Variants in PIK3C2G observed in about 807,000 individuals in gnomAD.
PIK3C2G encodes the protein phosphatidylinositol-4-phosphate 3-kinase catalytic subunit type 2 gamma.
A neutral mutation model predicts 181.1 loss-of-function variants in PIK3C2G; 168 were observed. That is an observed-to-expected ratio of 0.93 (90% CI 0.82 to 1.05). The LOEUF is 1.05. PIK3C2G is among the 50% of genes least tolerant of loss of function. PIK3C2G has a pLI of 0.00. For synonymous variants in PIK3C2G, 573 were observed against 592.2 expected, an observed-to-expected ratio of 0.97 and a Z score of 0.47; for missense variants, 1,869 against 1,732.8, an observed-to-expected ratio of 1.08 and a Z score of -1.40.
At chr12:18,718,916 C>A in the PIK3C2G span, among the ~76,000 whole-genome samples, 4 of 152,114 alleles carry the variant, frequency 2.6e-5, no homozygotes. Flanking sequence ...ATAAAATCAG[C>A]AATGCAATGT....
rs144249169 is a variant in PIK3C2G at position 18,558,384 on chromosome 12, A to C, written c.3591-4319A>C. Among the ~76,000 whole-genome samples, 885 of 152,310 alleles carry C rather than the reference A, an allele frequency of 5.8e-3. 2 individuals carry two copies. The highest frequency in any genetic ancestry group is 0.01 in the Middle Eastern group (3 of 294). Reference sequence around the variant, plus strand: ...AAGATTGTTCAGTCATTCAACAAATATTTTTGGATCACTTACTATGTACCA... The same window carrying C: ...AAGATTGTTCAGTCATTCAACAAATCTTTTTGGATCACTTACTATGTACCA... On this transcript the variant is annotated intron_variant, in intron 26 of 32. Coordinates refer to ENST00000538779, the MANE Select transcript of PIK3C2G (RefSeq NM_001288772.2).
At chr12:18,611,330 GA>G (rs1948321891) in intron 31 of PIK3C2G, among the ~76,000 whole-genome samples, 1 of 152,060 alleles carries the variant, frequency 6.6e-6, no homozygotes, top group Non-Finnish European at 1.5e-5. Context: ...AGTTACTAAT[GA>G]TGTAGTAATA....
chr12:18,723,327 G>A, the PIK3C2G span: 44 of 1,611,044 alleles, frequency 2.7e-5, no homozygotes, highest in South Asian at 2.6e-4. Flanking sequence ...CGATAGGCTC[G>A]TATTTCTGAA....
rs115932586 is a variant in PIK3C2G at position 18,348,787 on chromosome 12, A to G, written c.1625+1951A>G. Among the ~76,000 whole-genome samples the G allele has an allele frequency of 7.1e-3, 1,088 of 152,306 alleles. 12 individuals are homozygous for G. The highest frequency in any genetic ancestry group is 0.025 in the African/African-American group (1,036 of 41,560). The stretch of plus-strand genomic sequence containing the variant: ...CCCCAAAGCTTAGCAGTTTAGCACA[A>G]CAAACTTTGATGAGTTCACATTCTG... On this transcript the variant is annotated intron_variant, in intron 11 of 32. Transcript: ENST00000538779.
chr12:18,365,252 A>G (rs144217982), intron 12 of PIK3C2G, among the ~76,000 whole-genome samples: 119 of 152,342 alleles, frequency 7.8e-4, no homozygotes, highest in Non-Finnish European at 1.4e-3. Flanking sequence ...TCCCATGAAT[A>G]GTATTCAAGT....
chr12:18,358,731 G>A (rs1940973039), intron 11 of PIK3C2G: 2 of 424,760 alleles, frequency 4.7e-6, no homozygotes, highest in Middle Eastern at 7.6e-4. Context: ...TGATTCTCAT[G>A]ACTTTATTAT....
chr12:18,614,844 A>G (rs943272775), intron 31 of PIK3C2G, among the ~76,000 whole-genome samples: 1 of 152,150 alleles, frequency 6.6e-6, no homozygotes, highest in African/African-American at 2.4e-5. Context: ...GAACAGTTAT[A>G]CAATATGGCC....
At chr12:18,579,175 A>T (rs992370366) in intron 29 of PIK3C2G, among the ~76,000 whole-genome samples, 3 of 152,168 alleles carry the variant, frequency 2.0e-5, no homozygotes, top group African/African-American at 7.2e-5. Flanking sequence ...AATTAGAGAG[A>T]TTAAAAATAA....
chr12:18,665,805 C>T, the PIK3C2G span, among the ~76,000 whole-genome samples: 395 of 151,900 alleles, frequency 2.6e-3, no homozygotes, highest in Middle Eastern at 0.027. Context: ...CGTAGTGGTG[C>T]GCACCTGTAG....
chr12:18,313,804 T>TCACACACA (rs5796752), intron 5 of PIK3C2G, among the ~76,000 whole-genome samples, 158 bp from the exon 6 acceptor site: 2 of 149,470 alleles, frequency 1.3e-5, no homozygotes, highest in Non-Finnish European at 3.0e-5. Flanking sequence ...GCATATATAT[T>TCACACACA]CACACACACA....
At chr12:18,302,868 G>A (rs1950232855) in intron 5 of PIK3C2G, among the ~76,000 whole-genome samples, 1 of 152,084 alleles carries the variant, frequency 6.6e-6, no homozygotes, top group Non-Finnish European at 1.5e-5. Flanking sequence ...CTATGTGGCA[G>A]GCAGGCTAAG....
chr12:18,692,924 G>A, the PIK3C2G span: 5 of 1,579,084 alleles, frequency 3.2e-6, no homozygotes. Context: ...CCAGCAAACT[G>A]CCACTGGTGA....
At chr12:18,403,584 G>A (rs1944368360) in intron 16 of PIK3C2G, among the ~76,000 whole-genome samples, 2 of 152,100 alleles carry the variant, frequency 1.3e-5, no homozygotes, top group Non-Finnish European at 1.5e-5. Context: ...TTAACCTCTT[G>A]ACAACTGGTG....
At chr12:18,575,763 T>C (rs555815809) in intron 29 of PIK3C2G, among the ~76,000 whole-genome samples, 1 of 152,340 alleles carries the variant, frequency 6.6e-6, no homozygotes, top group African/African-American at 2.4e-5. Flanking sequence ...CAAAACATTA[T>C]GGTTACACGC....
At chr12:18,334,573 A>C (rs1211885908) in intron 8 of PIK3C2G, among the ~76,000 whole-genome samples, 1 of 152,066 alleles carries the variant, frequency 6.6e-6, no homozygotes, top group Non-Finnish European at 1.5e-5. Flanking sequence ...TTTCTCCTCC[A>C]TCATTAAAAT....
intron 20 of PIK3C2G, 89 bp from the exon 21 acceptor site, chr12:18,495,973 G>A: frequency 1.6e-6 from 1 of 611,434 alleles, no homozygotes; most frequent in Non-Finnish European, 2.8e-6. Context: ...GTCTGCAAGG[G>A]GCTATGATTT....
chr12:18,482,108 A>G (rs1939616881), intron 18 of PIK3C2G, among the ~76,000 whole-genome samples: 1 of 151,978 alleles, frequency 6.6e-6, no homozygotes, highest in Admixed American at 6.6e-5. Context: ...CCAATTTAAA[A>G]CTTCGTTTTC....
intron 26 of PIK3C2G, among the ~76,000 whole-genome samples, chr12:18,552,800 T>G (rs925882457): frequency 5.9e-5 from 9 of 152,122 alleles, no homozygotes; most frequent in Non-Finnish European, 1.0e-4. Context: ...TGTTCTTAAT[T>G]TCTGCAGTAG....
intron 16 of PIK3C2G, among the ~76,000 whole-genome samples, chr12:18,402,465 G>A (rs1944299507): frequency 6.6e-6 from 1 of 152,106 alleles, no homozygotes; most frequent in South Asian, 2.1e-4. Flanking sequence ...CTGGAAACAT[G>A]CTAAAAACAT....
Sources: allele counts gnomAD v4.1 joint callset (sites outside exome capture counted in the v4.1 genomes callset), GRCh38; gene constraint gnomAD v4.1.1; transcripts MANE v1.5; gene names NCBI Gene and HGNC (gene_info 2026-07-23, HGNC 2026-07-21).